NRCAM: variants seen among roughly 807,000 people sequenced by gnomAD.
NRCAM encodes the protein neuronal cell adhesion molecule, also known as NgCAM-related cell adhesion molecule.
A neutral mutation model predicts 156.5 loss-of-function variants in NRCAM; 83 were observed. The observed-to-expected ratio is 0.53, with a 90% confidence interval of 0.44 to 0.64. The LOEUF (loss-of-function observed/expected upper bound fraction) is 0.64, where lower values mean the gene tolerates loss of function less well. NRCAM is among the 30% of genes least tolerant of loss of function. The probability of loss-of-function intolerance (pLI) is 0.00; values close to 1 mark genes in which losing one functional copy is unlikely to be tolerated. For missense variants in NRCAM, 1,417 were observed against 1,597.3 expected, an observed-to-expected ratio of 0.89 and a Z score of 1.92; for synonymous variants, 538 against 563.9, an observed-to-expected ratio of 0.95 and a Z score of 0.65.
chr7:108,202,427 C>T (rs1233327528), intron 13 of NRCAM, among the ~76,000 whole-genome samples: 1 of 152,154 alleles, frequency 6.6e-6, no homozygotes, highest in Non-Finnish European at 1.5e-5. Flanking sequence ...GTATTTTATG[C>T]ATTTTGGAGA....
intron 20 of NRCAM, among the ~76,000 whole-genome samples, chr7:108,186,286 C>T (rs1475821366): frequency 3.3e-5 from 5 of 152,192 alleles, no homozygotes; most frequent in Non-Finnish European, 7.3e-5. Context: ...CAGACCTCTT[C>T]CCTGAACTGC....
intron 1 of NRCAM, among the ~76,000 whole-genome samples, chr7:108,444,900 T>A (rs1226169880): frequency 6.6e-6 from 1 of 152,200 alleles, no homozygotes; most frequent in East Asian, 1.9e-4. Context: ...AGGTCAATAA[T>A]GATTACAATT....
chr7:108,300,156 T>A (rs2154148447), intron 3 of NRCAM, among the ~76,000 whole-genome samples: 1 of 141,740 alleles, frequency 7.1e-6, no homozygotes, highest in Admixed American at 7.6e-5. Flanking sequence ...CAAATTTCTG[T>A]TGACTTTTTT....
chr7:108,337,057 G>A (rs1296826139), intron 2 of NRCAM, among the ~76,000 whole-genome samples: 1 of 152,104 alleles, frequency 6.6e-6, no homozygotes, highest in Non-Finnish European at 1.5e-5. Flanking sequence ...TTGAGGCCAG[G>A]AATTCAAGAC....
At chr7:108,412,923 G>A (rs1797234792) in intron 1 of NRCAM, among the ~76,000 whole-genome samples, 1 of 152,116 alleles carries the variant, frequency 6.6e-6, no homozygotes, top group African/African-American at 2.4e-5. Flanking sequence ...TATATAGACT[G>A]CATTTTCTTT....
chr7:108,450,543 A>ATTTC (rs10631257), intron 1 of NRCAM, among the ~76,000 whole-genome samples: 37,369 of 151,936 alleles, frequency 0.25, 4,898 homozygotes, highest in Non-Finnish European at 0.29. Context: ...GCATAAGAAT[A>ATTTC]TTTCTATTTT....
At chr7:108,250,425 CAAAAAAAAAAAAA>C (rs34274206) in intron 3 of NRCAM, among the ~76,000 whole-genome samples, 2 of 67,388 alleles carry the variant, frequency 3.0e-5, no homozygotes, top group African/African-American at 5.4e-5. Flanking sequence ...CATCTTACCT[CAAAAAAAAAAAAA>C]AAAAAAAAAA....
rs1010375128 is a variant in NRCAM, at chr7:108,258,193, G to A, written c.-106-18023C>T. 5.3e-5 allele frequency among the ~76,000 whole-genome samples: 8 copies of A among 152,160 alleles called. No homozygotes were observed. The South Asian group carries it at 6.2e-4, about 12-fold the overall frequency. On this transcript the variant is annotated intron_variant, in intron 3 of 32. Coordinates refer to ENST00000379028, the MANE Select transcript of NRCAM (RefSeq NM_001037132.4). Reference sequence around the variant, plus strand: ...AGTTAACACCCTCAGCTTCAGGGCCGAAACATGCTCCAGGTTGTCCTTTGG... The same window carrying A: ...AGTTAACACCCTCAGCTTCAGGGCCAAAACATGCTCCAGGTTGTCCTTTGG...
chr7:108,420,761 T>C (rs1049755063), intron 1 of NRCAM, among the ~76,000 whole-genome samples: 7 of 152,208 alleles, frequency 4.6e-5, no homozygotes, highest in Admixed American at 1.3e-4. Context: ...GAAACCCAAT[T>C]AATGCGTGCA....
At chr7:108,298,709 A>C (rs2098506704) in intron 3 of NRCAM, among the ~76,000 whole-genome samples, 3 of 151,408 alleles carry the variant, frequency 2.0e-5, no homozygotes, top group South Asian at 2.1e-4. Context: ...ACAACAACAA[A>C]CCCAAACCTT....
At chr7:108,198,171 A>G in intron 13 of NRCAM, 72 bp from the exon 14 acceptor site, 2 of 1,255,666 alleles carry the variant, frequency 1.6e-6, no homozygotes, top group Non-Finnish European at 2.2e-6. Flanking sequence ...TTGTAAAGTC[A>G]GTAGGACATA....
intron 1 of NRCAM, among the ~76,000 whole-genome samples, chr7:108,433,797 C>T (rs1828738361): frequency 6.6e-6 from 1 of 152,170 alleles, no homozygotes; most frequent in African/African-American, 2.4e-5. Flanking sequence ...CCTGCAGAAC[C>T]GTGAGCCAAA....
At chr7:108,190,605 T>C (rs1319022392) in intron 19 of NRCAM, among the ~76,000 whole-genome samples, 1 of 152,258 alleles carries the variant, frequency 6.6e-6, no homozygotes, top group Non-Finnish European at 1.5e-5. Flanking sequence ...ATTTTTGTAT[T>C]GACGTACTGA....
At chr7:108,361,836 T>G (rs1390582168) in intron 2 of NRCAM, among the ~76,000 whole-genome samples, 2 of 152,128 alleles carry the variant, frequency 1.3e-5, no homozygotes, top group Admixed American at 6.6e-5. Context: ...GTATATGTAT[T>G]ACATATGTGT....
rs553992129 is a variant in NRCAM, at chr7:108,427,530, A to C, written c.-331-27937T>G. Among the ~76,000 whole-genome samples the C allele has an allele frequency of 1.5e-3, 227 of 152,316 alleles. 1 individual carries two copies. Among genetic ancestry groups the C allele is most frequent in the African/African-American group, 5.2e-3 (218 of 41,564 alleles). ...TTTATTCTCTCCAATGGCTGGAGAG[A>C]CACTTTTATGAAGATTAACAATTAC... On this transcript the variant is annotated intron_variant, in intron 1 of 32. Transcript: ENST00000379028.
intron 20 of NRCAM, 28 bp from the exon 21 acceptor site, chr7:108,184,642 C>A: frequency 6.3e-7 from 1 of 1,594,028 alleles, no homozygotes; most frequent in South Asian, 1.1e-5. Flanking sequence ...ACACCAAACC[C>A]AAGACCGTGA....
At chr7:108,317,674 T>C (rs1174045630) in intron 2 of NRCAM, among the ~76,000 whole-genome samples, 3 of 151,662 alleles carry the variant, frequency 2.0e-5, no homozygotes, top group Middle Eastern at 3.4e-3. Flanking sequence ...CTTTGGGAGG[T>C]TGAGGCAGGT....
chr7:108,383,864 T>C (rs1287927836), intron 2 of NRCAM, among the ~76,000 whole-genome samples: 2 of 152,168 alleles, frequency 1.3e-5, no homozygotes, highest in Non-Finnish European at 2.9e-5. Context: ...CTGAGATGCG[T>C]AACTGAACTT....
At chr7:108,365,903 T>C (rs897616163) in intron 2 of NRCAM, among the ~76,000 whole-genome samples, 6 of 152,236 alleles carry the variant, frequency 3.9e-5, no homozygotes, top group African/African-American at 1.2e-4. Flanking sequence ...TGCTGTGGTC[T>C]GAATGCATCT....
Sources: gnomAD v4.1 joint callset for allele counts (sites outside exome capture counted in the v4.1 genomes callset) on GRCh38, gnomAD v4.1.1 for gene constraint, MANE v1.5 for transcripts, NCBI Gene and HGNC (gene_info 2026-07-23, HGNC 2026-07-21) for gene names.